Variants in ZNF724 observed in about 807,000 individuals in gnomAD.
ZNF724 encodes the protein zinc finger protein 724.
Under a neutral mutation model 29.3 loss-of-function variants are expected in ZNF724, and 14 were observed. The observed-to-expected ratio is 0.48, with a 90% CI of 0.32 to 0.75. ZNF724 has a LOEUF of 0.75. ZNF724 is among the 30% of genes least tolerant of loss of function. The pLI is 0.04. For synonymous variants in ZNF724, 180 were observed against 193.6 expected, an observed-to-expected ratio of 0.93 and a Z score of 0.58; for missense variants, 557 against 571.2, an observed-to-expected ratio of 0.98 and a Z score of 0.25.
chr19:23,247,481 T>G (rs1257776719), intron 1 of ZNF724, among the ~76,000 whole-genome samples: 1 of 152,158 alleles, frequency 6.6e-6, no homozygotes, highest in African/African-American at 2.4e-5. Context: ...AGAAAACAGA[T>G]GTGTCTGACT....
At chr19:23,225,658 A>G (rs1971814065) in intron 3 of ZNF724, among the ~76,000 whole-genome samples, 1 of 152,160 alleles carries the variant, frequency 6.6e-6, no homozygotes, top group South Asian at 2.1e-4. Context: ...ATAAACTTTG[A>G]GAATATTTTA....
intron 3 of ZNF724, among the ~76,000 whole-genome samples, chr19:23,230,006 T>G (rs73012474): frequency 0.045 from 6,776 of 152,182 alleles, 195 homozygotes; most frequent in Non-Finnish European, 0.06. Flanking sequence ...CACAGTACAT[T>G]TAAACAGGTC....
rs755898106 is a variant in ZNF724 at position 23,221,939 on chromosome 19, A to G, written c.*446T>C. ...ATACTCTTCTTCACTTTAAAGGCTT[A>G]TATTTTCTGAAAAATCTATTGACAG... On this transcript the variant is annotated 3_prime_UTR_variant, in exon 4 of 4. Transcript: ENST00000418100. 6.2e-6 allele frequency: 1 copy of G among 160,922 alleles called. No individual in the cohort carries two copies. Among genetic ancestry groups the G allele is most frequent in the Non-Finnish European group, 1.4e-5 (1 of 73,156 alleles). The allele number at this position is 160,922 out of a possible 1,614,324, so 10.0% of individuals were successfully genotyped here. A position where few individuals can be genotyped will look rare whatever the true frequency, so the allele number is the denominator to read the frequency against.
intron 3 of ZNF724, among the ~76,000 whole-genome samples, chr19:23,227,547 C>T (rs996340806): frequency 5.1e-5 from 2 of 38,840 alleles, no homozygotes; most frequent in Non-Finnish European, 1.4e-4. Context: ...CAGAGTGAGG[C>T]TCCATCTCAA....
chr19:23,223,107 T>C lies in ZNF724; in HGVS notation c.1138A>G (p.Thr380Ala), dbSNP rs879043658. The change falls in exon 4 of 4, where the codon ACT (threonine) becomes GCT (alanine). Residue 380 changes from threonine to alanine, a missense_variant. Coordinates refer to ENST00000418100, the MANE Select transcript of ZNF724 (RefSeq NM_001355404.2). Reference sequence around the variant, plus strand: ...TGAATTCTCTTATGTTGAGTAAGAGTTGAGGACACGTTAAAGGCTTTGCCA... The same window carrying C: ...TGAATTCTCTTATGTTGAGTAAGAGCTGAGGACACGTTAAAGGCTTTGCCA... ...ECGKAFNVSS[T>A]LTQHKRIHTG... 5 of 1,247,962 alleles carry C rather than the reference T, an allele frequency of 4.0e-6. No individual in the cohort carries two copies. Among genetic ancestry groups the C allele is most frequent in the Non-Finnish European group, 5.9e-6 (5 of 848,230 alleles). 77.3% of individuals were successfully genotyped at this position (1,247,962 alleles called of 1,614,324 possible). A position where few individuals can be genotyped will look rare whatever the true frequency, so the allele number is the denominator to read the frequency against.
Position 23,223,397 on chromosome 19 carries a change from T to C in ZNF724, c.848A>G (p.Lys283Arg), listed in dbSNP as rs1217567551. The C allele has an allele frequency of 3.9e-6, 3 of 771,976 alleles. No homozygotes were observed. Among genetic ancestry groups the C allele is most frequent in the East Asian group, 2.4e-5 (1 of 40,902 alleles). 47.8% of individuals were successfully genotyped at this position (771,976 alleles called of 1,614,324 possible). The change falls in exon 4 of 4, where the codon AAA becomes AGA. Residue 283 changes from lysine (K) to arginine (R), a missense_variant. Lys to Arg is a conservative substitution (Grantham distance 26). This residue lies in a region of ZNF724 where 362 missense variants were observed against 295.5 expected (regional missense o/e 1.22). Coordinates refer to ENST00000418100, the MANE Select transcript of ZNF724 (RefSeq NM_001355404.2). ...KIIHTGENAY[K>R]CKECGKAFNQ... Reference sequence around the variant, plus strand: ...AAAAGCTTTGCCACATTCTTTACATTTGTAGGCATTCTCTCCAGTATGAAT... The same window carrying C: ...AAAAGCTTTGCCACATTCTTTACATCTGTAGGCATTCTCTCCAGTATGAAT...
intron 1 of ZNF724, among the ~76,000 whole-genome samples, chr19:23,243,492 A>T (rs1264760118): frequency 8.7e-5 from 13 of 148,734 alleles, no homozygotes; most frequent in Admixed American, 2.0e-4. Context: ...AAAAAAAAAA[A>T]AAAAAAAAAG....
At chr19:23,240,095 T>C (rs1972092692) in intron 1 of ZNF724, among the ~76,000 whole-genome samples, 1 of 151,990 alleles carries the variant, frequency 6.6e-6, no homozygotes, top group Non-Finnish European at 1.5e-5. Flanking sequence ...GTGGATCACC[T>C]GAGGTCAGGA....
intron 1 of ZNF724, among the ~76,000 whole-genome samples, chr19:23,245,709 A>C (rs6511429): frequency 0.85 from 129,483 of 152,012 alleles, 55,192 homozygotes; most frequent in South Asian, 0.93. Context: ...TTGCTCCTTA[A>C]TATGAAAAAA....
intron 3 of ZNF724, among the ~76,000 whole-genome samples, chr19:23,228,609 T>C (rs1267399483): frequency 1.3e-5 from 2 of 150,906 alleles, no homozygotes; most frequent in Non-Finnish European, 3.0e-5. Context: ...ACAAAAATTA[T>C]CCAGGCATGG....
chr19:23,247,877 G>A (rs143693645), intron 1 of ZNF724, among the ~76,000 whole-genome samples: 1 of 152,216 alleles, frequency 6.6e-6, no homozygotes, highest in Non-Finnish European at 1.5e-5. Flanking sequence ...AAGCCCCAGG[G>A]CATTCACCTT....
At position 23,222,655 on chromosome 19, in the gene ZNF724, T is replaced by A. The variant is rs10411741; in HGVS notation, c.1590A>T (p.Gly530=). 6.6e-5 allele frequency: 90 copies of A among 1,360,380 alleles called. No homozygotes were observed. The highest frequency in any genetic ancestry group is 4.4e-4 in the East Asian group (19 of 43,134). The allele number at this position is 1,360,380 out of a possible 1,614,324, so 84.3% of individuals were successfully genotyped here. ...ATTCTTCACATTTGTAGGGTTTCTC[T>A]CCAGCATGAATTATCTTATGTCTAG... The part of the protein sequence containing the change: ...TLARHKIIHA[G]EKPYKCEECG... Residue 530 remains glycine, a synonymous_variant, in exon 4 of 4, where the codon GGA becomes GGT. Coordinates refer to ENST00000418100, the MANE Select transcript of ZNF724 (RefSeq NM_001355404.2).
rs1972003188 is a variant in ZNF724 at position 23,235,118 on chromosome 19, T to TA, written c.4-2826dup. Among the ~76,000 whole-genome samples, 5 of 151,766 alleles carry TA rather than the reference T, an allele frequency of 3.3e-5. No individual in the cohort carries two copies. In the South Asian group the frequency reaches 1.0e-3, roughly 32 times the overall value. On this transcript the variant is annotated intron_variant, in intron 1 of 3. Transcript: ENST00000418100. ...ACAACATGTACTATTGAAATGTTTA[T>TA]AAAGCAGGTACTATGTGCTCAAGAG...
chr19:23,230,738 G>T (rs116103418), intron 3 of ZNF724: 1 of 152,106 alleles, frequency 6.6e-6, no homozygotes, highest in African/African-American at 2.4e-5. Context: ...TAACGGAAGG[G>T]AAAGTATATT....
At chr19:23,248,702 TAAG>T (rs976208159) in intron 1 of ZNF724, among the ~76,000 whole-genome samples, 2 of 150,170 alleles carry the variant, frequency 1.3e-5, no homozygotes, top group African/African-American at 4.9e-5. Context: ...AGGTGGAAAA[TAAG>T]AAACTGAGGC....
chr19:23,232,214 A>G lies in ZNF724; in HGVS notation c.83T>C (p.Leu28Ser), dbSNP rs1448990419. Residue 28 changes from leucine (L) to serine (S), a missense_variant, in exon 2 of 4, where the codon TTA (leucine) becomes TCA (serine). Coordinates refer to ENST00000418100, the MANE Select transcript of ZNF724 (RefSeq NM_001355404.2). Reference sequence around the variant, plus strand: ...GTTCTCTAACATCACGTTCCTATATAAATTCTGCTGTGCAGTGTCCAGGCA... The same window carrying G: ...GTTCTCTAACATCACGTTCCTATATGAATTCTGCTGTGCAGTGTCCAGGCA... ...WQCLDTAQQN[L>S]YRNVMLENYR... is the part of the protein sequence containing the mutation. 1 of 1,354,446 alleles carries G rather than the reference A, an allele frequency of 7.4e-7. No homozygotes were observed. The highest frequency in any genetic ancestry group is 1.4e-5 in the African/African-American group (1 of 69,854). The allele number at this position is 1,354,446 out of a possible 1,614,324, so 83.9% of individuals were successfully genotyped here.
At chr19:23,231,711 T>C (rs908321846) in intron 2 of ZNF724, among the ~76,000 whole-genome samples, 2 of 151,996 alleles carry the variant, frequency 1.3e-5, no homozygotes, top group Admixed American at 6.6e-5. Context: ...TTTTTCTACA[T>C]TGACAAATCC....
Position 23,232,186 on chromosome 19 carries a change from G to A in ZNF724, c.111C>T (p.Tyr37=), listed in dbSNP as rs566849056. ...NLYRNVMLEN[Y]RNLVFLGIAV... is the part of the protein sequence containing the mutation. ...TCTCACCCAGGAAGACCAGGTTTCTGTAGTTCTCTAACATCACGTTCCTAT... is the reference window on the plus strand; with the variant it reads ...TCTCACCCAGGAAGACCAGGTTTCTATAGTTCTCTAACATCACGTTCCTAT... The change falls in exon 2 of 4, where the codon TAC becomes TAT. Residue 37 remains tyrosine (Y), a synonymous_variant. Coordinates refer to ENST00000418100, the MANE Select transcript of ZNF724 (RefSeq NM_001355404.2). 2 of 1,347,780 alleles carry A rather than the reference G, an allele frequency of 1.5e-6. No homozygotes were observed. The highest frequency in any genetic ancestry group is 1.4e-5 in the African/African-American group (1 of 69,802). The allele number at this position is 1,347,780 out of a possible 1,614,324, so 83.5% of individuals were successfully genotyped here.
Position 23,222,362 on chromosome 19 carries a change from C to A in ZNF724, c.*23G>T. 1 of 924,414 alleles carries A rather than the reference C, an allele frequency of 1.1e-6. No individual in the cohort carries two copies. 57.3% of individuals were successfully genotyped at this position (924,414 alleles called of 1,614,324 possible). A position where few individuals can be genotyped will look rare whatever the true frequency, so the allele number is the denominator to read the frequency against. ...AAAGTGCTGGGATTACAGGTGTGAG[C>A]CACCACGCCTGGTCCATTTTTCTTA... On this transcript the variant is annotated 3_prime_UTR_variant, in exon 4 of 4. Transcript: ENST00000418100.
Sources: allele counts gnomAD v4.1 joint callset (sites outside exome capture counted in the v4.1 genomes callset), GRCh38; gene constraint gnomAD v4.1.1; regional missense constraint gnomAD v4.1.1; transcripts MANE v1.5; gene names NCBI Gene and HGNC (gene_info 2026-07-23, HGNC 2026-07-21).